The following IARS1 variants were observed in gnomAD, a reference collection of about 807,000 sequenced individuals.
The protein encoded by IARS1 is isoleucine--tRNA ligase, cytoplasmic.
In IARS1, 124 loss-of-function variants were observed where a neutral mutation model predicts 168.2. The ratio of observed to expected loss-of-function variants is 0.74; its 90% confidence interval spans 0.64 to 0.86. The LOEUF (loss-of-function observed/expected upper bound fraction) is 0.86. IARS1 is among the 40% of genes least tolerant of loss of function. IARS1 has a pLI of 0.00. For missense variants in IARS1, 1,452 were observed against 1,515.8 expected (o/e 0.96, Z 0.70); for synonymous variants, 532 against 529.4 (o/e 1.00, Z -0.07).
intron 22 of IARS1, chr9:92,251,261 A>G (rs1268496835): frequency 4.6e-6 from 2 of 435,372 alleles, no homozygotes; most frequent in African/African-American, 2.0e-5. Context: ...TCCTTCGGTT[A>G]AGGAATAAAT....
At chr9:92,231,049 T>C (rs760962451) in intron 30 of IARS1, among the ~76,000 whole-genome samples, 2 of 152,234 alleles carry the variant, frequency 1.3e-5, no homozygotes, top group Admixed American at 6.5e-5. Flanking sequence ...TCTTTCATCC[T>C]TTTATAGGAT....
chr9:92,268,092 C>T (rs530071363), intron 14 of IARS1, 82 bp downstream of exon 14: 17 of 1,400,010 alleles, frequency 1.2e-5, no homozygotes, highest in Middle Eastern at 1.9e-4. Context: ...AAAAAACACC[C>T]TATTCTTTTA....
chr9:92,258,779 C>A, intron 19 of IARS1, 75 bp downstream of exon 19: 4 of 1,435,028 alleles, frequency 2.8e-6, no homozygotes, highest in Non-Finnish European at 9.3e-7. Context: ...TCACACAGAG[C>A]TCCACCTCAC....
chr9:92,277,725 A>T, intron 9 of IARS1, 138 bp downstream of exon 9: 1 of 620,692 alleles, frequency 1.6e-6, no homozygotes, highest in East Asian at 3.0e-5. Context: ...CAAACAATTT[A>T]ATTTTGTTGG....
At chr9:92,278,400 C>T (rs1206797852) in intron 7 of IARS1, 114 bp from the exon 8 acceptor site, 2 of 738,214 alleles carry the variant, frequency 2.7e-6, no homozygotes, top group East Asian at 4.9e-5. Flanking sequence ...TGTGCCTCTA[C>T]TGTACCCAGT....
chr9:92,242,083 A>G, intron 29 of IARS1, 71 bp downstream of exon 29: 2 of 1,153,674 alleles, frequency 1.7e-6, no homozygotes, highest in Non-Finnish European at 2.6e-6. Flanking sequence ...CAGAATATCA[A>G]CACGTGAGTA....
At chr9:92,243,702 A>T (rs1210939100) in intron 27 of IARS1, among the ~76,000 whole-genome samples, 1 of 152,152 alleles carries the variant, frequency 6.6e-6, no homozygotes, top group Non-Finnish European at 1.5e-5. Context: ...AGGCCACAAC[A>T]AGTGGATCAA....
chr9:92,254,434 T>C (rs1395578597), intron 20 of IARS1, among the ~76,000 whole-genome samples: 1 of 152,248 alleles, frequency 6.6e-6, no homozygotes, highest in Non-Finnish European at 1.5e-5. Context: ...GGACTGTTAA[T>C]GAGGCTTCTG....
chr9:92,289,142 G>A (rs1193647264), intron 2 of IARS1, among the ~76,000 whole-genome samples, 159 bp downstream of exon 2: 2 of 150,330 alleles, frequency 1.3e-5, no homozygotes, highest in African/African-American at 4.9e-5. Flanking sequence ...GGGAGGCAGA[G>A]GTAGCAGTGA....
intron 10 of IARS1, among the ~76,000 whole-genome samples, chr9:92,273,336 A>G (rs754114888): frequency 6.6e-6 from 1 of 152,164 alleles, no homozygotes; most frequent in Non-Finnish European, 1.5e-5. Context: ...GTGATTATTA[A>G]GGAATTGCTG....
intron 16 of IARS1, among the ~76,000 whole-genome samples, 156 bp downstream of exon 16, chr9:92,264,773 G>A (rs1832041922): frequency 6.6e-6 from 1 of 152,136 alleles, no homozygotes; most frequent in Non-Finnish European, 1.5e-5. Context: ...TTTAATGTCC[G>A]TGCTTGGTGG....
intron 10 of IARS1, 71 bp from the exon 11 acceptor site, chr9:92,271,726 C>T (rs1248110157): frequency 3.3e-6 from 5 of 1,498,590 alleles, no homozygotes; most frequent in Non-Finnish European, 4.6e-6. Flanking sequence ...GTAATAGATT[C>T]CCAAGATAAT....
chr9:92,210,557 G>T lies in IARS1; in HGVS notation c.*250C>A. 1 of 364,318 alleles carries T rather than the reference G, an allele frequency of 2.7e-6. No individual in the cohort carries two copies. Among genetic ancestry groups the T allele is most frequent in the Non-Finnish European group, 5.0e-6 (1 of 200,508 alleles). The allele number at this position is 364,318 out of a possible 1,614,324, so 22.6% of individuals were successfully genotyped here. ...AACTCAAGTATAGAAATAAACTGTG[G>T]GCTGAAGTAACATTGTAACCTGCTC... On this transcript the variant is annotated 3_prime_UTR_variant, in exon 34 of 34. Coordinates refer to ENST00000443024, the MANE Select transcript of IARS1 (RefSeq NM_002161.6).
At chr9:92,257,934 G>C (rs189201698) in intron 19 of IARS1, among the ~76,000 whole-genome samples, 3 of 152,288 alleles carry the variant, frequency 2.0e-5, no homozygotes, top group African/African-American at 7.2e-5. Context: ...GGTCAGTTGT[G>C]GGGCATGGAA....
At chr9:92,223,203 G>A (rs929741713) in intron 32 of IARS1, 143 bp downstream of exon 32, 23 of 591,482 alleles carry the variant, frequency 3.9e-5, no homozygotes, top group South Asian at 5.6e-5. Context: ...AGAAAAGCCT[G>A]TGGTTGCTCC....
intron 31 of IARS1, among the ~76,000 whole-genome samples, chr9:92,227,119 G>A (rs556112327): frequency 0.029 from 3,915 of 136,202 alleles, 59 homozygotes; most frequent in South Asian, 0.071. Flanking sequence ...CACAGGGTTG[G>A]GGGTAAGGTC....
chr9:92,262,923 CA>C, intron 17 of IARS1, 45 bp downstream of exon 17: 1 of 1,364,856 alleles, frequency 7.3e-7, no homozygotes, highest in Non-Finnish European at 1.0e-6. Context: ...TCTTAAGAAA[CA>C]GTGGAGACAA....
intron 10 of IARS1, among the ~76,000 whole-genome samples, chr9:92,273,606 T>C (rs1409887374): frequency 6.6e-6 from 1 of 152,228 alleles, no homozygotes; most frequent in Non-Finnish European, 1.5e-5. Flanking sequence ...TAATAAAAAT[T>C]CAAGTGATGG....
chr9:92,274,351 A>C, intron 10 of IARS1, 75 bp downstream of exon 10: 1 of 1,112,430 alleles, frequency 9.0e-7, no homozygotes, highest in Non-Finnish European at 1.4e-6. Context: ...CAACATGATG[A>C]GACACAGGAC....
Sources: gnomAD v4.1 joint callset for allele counts (sites outside exome capture counted in the v4.1 genomes callset) on GRCh38, gnomAD v4.1.1 for gene constraint, MANE v1.5 for transcripts, NCBI Gene and HGNC (gene_info 2026-07-23, HGNC 2026-07-21) for gene names.